The following COLEC12 variants were observed in gnomAD, a reference collection of about 807,000 sequenced individuals.
COLEC12 encodes collectin-12.
COLEC12 carries 33 observed loss-of-function variants against 71.1 expected under a neutral mutation model. The ratio of observed to expected loss-of-function variants is 0.46; its 90% CI spans 0.35 to 0.62. The LOEUF (loss-of-function observed/expected upper bound fraction) is 0.62. Among genes scored for constraint, COLEC12 ranks in the 20% least tolerant of loss-of-function variants. The probability of loss-of-function intolerance (pLI) is 0.00; values close to 1 mark genes in which losing one functional copy is unlikely to be tolerated. For synonymous variants in COLEC12, 350 were observed against 353.0 expected (o/e 0.99, Z 0.10); for missense variants, 765 against 916.1 (o/e 0.84, Z 2.13).
chr18:409,107 AT>A (rs139466289), intron 2 of COLEC12, among the ~76,000 whole-genome samples: 15,725 of 152,172 alleles, frequency 0.1, 1,076 homozygotes, highest in Middle Eastern at 0.17. Flanking sequence ...AAGTGCTGGG[AT>A]TACAAGTGTG....
At chr18:412,863 T>C (rs75563143) in intron 2 of COLEC12, among the ~76,000 whole-genome samples, 6,380 of 152,140 alleles carry the variant, frequency 0.042, 163 homozygotes, top group Middle Eastern at 0.071. Context: ...ATCCTAAAAA[T>C]TGTTCAGATA....
chr18:351,609 C>T (rs1914523351), intron 3 of COLEC12, among the ~76,000 whole-genome samples: 2 of 151,960 alleles, frequency 1.3e-5, no homozygotes, highest in South Asian at 4.1e-4. Flanking sequence ...CTCTTGTTGC[C>T]CAGGTTGGAG....
chr18:340,074 C>CAAAAAAAAAAAGAAAAAAAA (rs1914210785), intron 5 of COLEC12, among the ~76,000 whole-genome samples: 1 of 94,208 alleles, frequency 1.1e-5, no homozygotes, highest in Non-Finnish European at 2.0e-5. Flanking sequence ...TGCCTGAAAG[C>CAAAAAAAAAAAGAAAAAAAA]AAAAAAAAAA....
chr18:458,456 A>G (rs1196287615), intron 2 of COLEC12, among the ~76,000 whole-genome samples: 1 of 152,182 alleles, frequency 6.6e-6, no homozygotes, highest in East Asian at 1.9e-4. Context: ...AGGAGGGGAG[A>G]GGAGAAGTGC....
At position 335,143 on chromosome 18, in the gene COLEC12, T is replaced by C; in HGVS notation, c.1415A>G (p.Lys472Arg). ...PTGNKGQKGEKGEPGPPGPAG... is the reference protein window; with the variant it reads ...PTGNKGQKGERGEPGPPGPAG... ...AGGGCCAGGTGGTCCAGGCTCCCCCTTCTCTCCTTTCTGTCCCTTGTTGCC... is the reference window on the plus strand; with the variant it reads ...AGGGCCAGGTGGTCCAGGCTCCCCCCTCTCTCCTTTCTGTCCCTTGTTGCC... Residue 472 changes from lysine to arginine, a missense_variant, in exon 6 of 10, where the codon AAG becomes AGG. By Grantham distance (26) the Lys-to-Arg change is conservative. Transcript: ENST00000400256. 1.3e-5 allele frequency: 21 copies of C among 1,612,702 alleles called. No homozygotes were observed. The highest frequency in any genetic ancestry group is 1.8e-5 in the Non-Finnish European group (21 of 1,179,564).
intron 9 of COLEC12, among the ~76,000 whole-genome samples, chr18:321,269 G>T (rs1913697911): frequency 6.6e-6 from 1 of 152,124 alleles, no homozygotes; most frequent in Non-Finnish European, 1.5e-5. Flanking sequence ...GGCCAGACTG[G>T]TCTCAAACTC....
At chr18:320,824 G>C (rs1022504316) in intron 9 of COLEC12, among the ~76,000 whole-genome samples, 2 of 152,142 alleles carry the variant, frequency 1.3e-5, no homozygotes, top group African/African-American at 4.8e-5. Flanking sequence ...ACATTCCAAA[G>C]AGGGTCGTGT....
intron 1 of COLEC12, among the ~76,000 whole-genome samples, chr18:493,678 A>G (rs1311408927): frequency 6.6e-6 from 1 of 152,240 alleles, no homozygotes; most frequent in Admixed American, 6.5e-5. Context: ...GCACACAGAA[A>G]GTTAATACCA....
intron 6 of COLEC12, chr18:333,673 C>T (rs1914036161): frequency 1.3e-5 from 2 of 152,344 alleles, no homozygotes; most frequent in African/African-American, 2.4e-5. Flanking sequence ...TAGAAGGCAC[C>T]GTAACATCTA....
intron 1 of COLEC12, among the ~76,000 whole-genome samples, chr18:487,588 C>T (rs535113287): frequency 2.3e-4 from 35 of 152,206 alleles, no homozygotes; most frequent in African/African-American, 8.2e-4. Context: ...CAAAAGTTCT[C>T]TTGTCTAGTG....
chr18:365,097 C>T (rs557207538), intron 2 of COLEC12, among the ~76,000 whole-genome samples: 91 of 152,010 alleles, frequency 6.0e-4, no homozygotes, highest in Non-Finnish European at 1.0e-3. Context: ...TAAAGGGGTG[C>T]GGAAACATCC....
chr18:500,424 C>CG lies in COLEC12; in HGVS notation c.7+83dup. The CG allele has an allele frequency of 2.5e-6, 2 of 803,532 alleles. No individual in the cohort carries two copies. Among genetic ancestry groups the CG allele is most frequent in the Non-Finnish European group, 3.1e-6 (2 of 655,178 alleles). 49.8% of individuals were successfully genotyped at this position (803,532 alleles called of 1,614,324 possible). On this transcript the variant is annotated intron_variant, in intron 1 of 9. Transcript: ENST00000400256. The surrounding 1 kb of genome is among the most constrained non-coding windows in gnomAD (Gnocchi z 5.3). ...GGCCCGCAGCCCAAGGGAAGGTTCG[C>CG]GCGGGAGGCACCTCCGTGGCCTCCC...
chr18:368,362 C>T (rs561082330), intron 2 of COLEC12, among the ~76,000 whole-genome samples: 1 of 152,122 alleles, frequency 6.6e-6, no homozygotes, highest in East Asian at 1.9e-4. Flanking sequence ...CACTTGAGGT[C>T]AGGAGTTTGA....
chr18:355,702 A>C lies in COLEC12; in HGVS notation c.181+1698T>G, dbSNP rs114366584. Among the ~76,000 whole-genome samples the C allele has an allele frequency of 6.0e-3, 919 of 152,320 alleles. 15 individuals are homozygous for C. The highest frequency in any genetic ancestry group is 0.021 in the African/African-American group (881 of 41,562). On this transcript the variant is annotated intron_variant, in intron 3 of 9. Coordinates refer to ENST00000400256, the MANE Select transcript of COLEC12 (RefSeq NM_130386.3). ...AAGTACTTATTAAATGGCTGATTTCAAGCTTCTCCTTTATCTTGGCTCACT... is the reference window on the plus strand; with the variant it reads ...AAGTACTTATTAAATGGCTGATTTCCAGCTTCTCCTTTATCTTGGCTCACT...
chr18:385,217 G>A (rs900943140), intron 2 of COLEC12, among the ~76,000 whole-genome samples: 1 of 151,716 alleles, frequency 6.6e-6, no homozygotes, highest in Non-Finnish European at 1.5e-5. Flanking sequence ...GAAAGATCAG[G>A]TTAAAAAAAT....
chr18:331,052 G>T (rs1273793760), intron 8 of COLEC12, among the ~76,000 whole-genome samples: 4 of 151,072 alleles, frequency 2.6e-5, no homozygotes, highest in Admixed American at 2.0e-4. Context: ...GCTAATTTTT[G>T]TTTTTTTTGT....
At chr18:473,351 A>ACAGCTCAAATCTC (rs71363227) in intron 2 of COLEC12, among the ~76,000 whole-genome samples, 71,919 of 151,608 alleles carry the variant, frequency 0.47, 17,537 homozygotes, top group South Asian at 0.64. Flanking sequence ...CTCCAAATGA[A>ACAGCTCAAATCTC]CAGCTCAAAT....
intron 2 of COLEC12, among the ~76,000 whole-genome samples, chr18:358,139 A>G (rs1354811693): frequency 6.6e-6 from 1 of 152,136 alleles, no homozygotes; most frequent in African/African-American, 2.4e-5. Context: ...CATCCATGGA[A>G]AAATTATCTT....
rs1917140982 is a variant in COLEC12 at position 469,002 on chromosome 18, G to A, written c.58+11705C>T. On this transcript the variant is annotated intron_variant, in intron 2 of 9. Transcript: ENST00000400256. ...TTCACATGGCAGCAGTTTAGTAACAGCTGTGGCCGATGGCGTGCGCAGCAC... is the reference window on the plus strand; with the variant it reads ...TTCACATGGCAGCAGTTTAGTAACAACTGTGGCCGATGGCGTGCGCAGCAC... Among the ~76,000 whole-genome samples, 3 of 152,390 alleles carry A rather than the reference G, an allele frequency of 2.0e-5. 1 individual carries two copies. In the South Asian group the frequency reaches 6.2e-4, roughly 32 times the overall value.
Sources: allele counts gnomAD v4.1 joint callset (sites outside exome capture counted in the v4.1 genomes callset), GRCh38; gene constraint gnomAD v4.1.1; non-coding constraint Gnocchi (gnomAD v3.1); transcripts MANE v1.5; gene names NCBI Gene and HGNC (gene_info 2026-07-23, HGNC 2026-07-21).